DBF4: variants seen among roughly 807,000 people sequenced by gnomAD.
DBF4 encodes DBF4-CDC7 kinase regulatory subunit.
DBF4 carries 25 observed loss-of-function variants against 76.6 expected under a neutral mutation model. The ratio of observed to expected loss-of-function variants is 0.33; its 90% CI spans 0.24 to 0.46. The LOEUF (loss-of-function observed/expected upper bound fraction) is 0.46, where lower values mean the gene tolerates loss of function less well. Among genes scored for constraint, DBF4 ranks in the 20% least tolerant of loss-of-function variants. The pLI is 1.00. For missense variants in DBF4, 638 were observed against 760.8 expected, an observed-to-expected ratio of 0.84 and a Z score of 1.90; for synonymous variants, 213 against 258.0, an observed-to-expected ratio of 0.83 and a Z score of 1.67.
At position 87,885,015 on chromosome 7, in the gene DBF4, C is replaced by A. The variant is rs1305410814; in HGVS notation, c.256C>A (p.Leu86Ile). 3 of 1,612,876 alleles carry A rather than the reference C, an allele frequency of 1.9e-6. No individual in the cohort carries two copies. Among genetic ancestry groups the A allele is most frequent in the Non-Finnish European group, 2.5e-6 (3 of 1,178,990 alleles). ...ATTTCTCAGCAAAGATATCAGTTAT[C>A]TTATTTCAAATAAGAAGGAAGCTAA... ...EEFLSKDISY[L>I]ISNKKEAKFA... The change falls in exon 3 of 12, where the codon CTT (leucine) becomes ATT (isoleucine). Residue 86 changes from leucine to isoleucine, a missense_variant. By Grantham distance (5) the Leu-to-Ile change is conservative (BLOSUM62 2). Transcript: ENST00000265728.
intron 10 of DBF4, among the ~76,000 whole-genome samples, chr7:87,903,999 GTCT>G (rs1839856430): frequency 6.7e-6 from 1 of 149,092 alleles, no homozygotes; most frequent in Non-Finnish European, 1.5e-5. Flanking sequence ...CCTGATCTGT[GTCT>G]TCGTTTTCTG....
chr7:87,909,205 C>T lies in DBF4; in HGVS notation c.*1042C>T, dbSNP rs906832375. The T allele has an allele frequency of 1.3e-5, 2 of 152,140 alleles. No homozygotes were observed. Among genetic ancestry groups the T allele is most frequent in the African/African-American group, 2.4e-5 (1 of 41,422 alleles). The allele number at this position is 152,140 out of a possible 1,614,324, so 9.4% of individuals were successfully genotyped here. ...TTGATCTGGCACTTACTGATACAAG[C>T]ATTTGGAGAAGAGAAAATTCAAATA... On this transcript the variant is annotated 3_prime_UTR_variant, in exon 12 of 12. Coordinates refer to ENST00000265728, the MANE Select transcript of DBF4 (RefSeq NM_006716.4).
At chr7:87,898,461 T>C (rs951522839) in intron 8 of DBF4, among the ~76,000 whole-genome samples, 2 of 152,082 alleles carry the variant, frequency 1.3e-5, no homozygotes, top group Admixed American at 6.6e-5. Flanking sequence ...TCATACGGAA[T>C]TGTAACAGAT....
intron 3 of DBF4, among the ~76,000 whole-genome samples, chr7:87,886,433 G>C (rs1053122757): frequency 3.3e-5 from 5 of 151,140 alleles, no homozygotes; most frequent in Admixed American, 3.3e-4. Context: ...TACTTGGGAG[G>C]CTGGGGCAGG....
At chr7:87,896,296 A>G in intron 6 of DBF4, 178 bp from the exon 7 acceptor site, 1 of 536,454 alleles carries the variant, frequency 1.9e-6, no homozygotes, top group East Asian at 3.3e-5. Flanking sequence ...AATGCAAGGT[A>G]CTTGCTGAGT....
Position 87,886,841 on chromosome 7 carries a change from T to A in DBF4, c.400-3T>A. On this transcript the variant is annotated splice_polypyrimidine_tract_variant and splice_region_variant and intron_variant, in intron 3 of 11. Transcript: ENST00000265728. ...GTTTTAAATTTTTCTGGTCTTTTTA[T>A]AGGTGTGTTTAAGCAGAGGAAAATT... 6.5e-7 allele frequency: 1 copy of A among 1,548,452 alleles called. No homozygotes were observed. The highest frequency in any genetic ancestry group is 8.9e-7 in the Non-Finnish European group (1 of 1,127,540).
intron 6 of DBF4, among the ~76,000 whole-genome samples, chr7:87,889,228 G>T (rs142561632): frequency 6.6e-4 from 100 of 151,786 alleles, no homozygotes; most frequent in African/African-American, 2.4e-3. Flanking sequence ...TGACAGTAAA[G>T]AATGAATTAT....
At chr7:87,879,243 C>G (rs1186319502) in intron 2 of DBF4, among the ~76,000 whole-genome samples, 1 of 152,178 alleles carries the variant, frequency 6.6e-6, no homozygotes, top group East Asian at 1.9e-4. Flanking sequence ...GCCCTCCAGG[C>G]CCAGCCGATT....
intron 6 of DBF4, chr7:87,888,460 A>G: frequency 2.9e-6 from 1 of 344,296 alleles, no homozygotes; most frequent in Non-Finnish European, 4.1e-6. Context: ...TAGCATAGCT[A>G]ACTGGCCTGA....
intron 6 of DBF4, among the ~76,000 whole-genome samples, chr7:87,890,478 G>A (rs1327650862): frequency 6.6e-6 from 1 of 152,184 alleles, no homozygotes; most frequent in South Asian, 2.1e-4. Flanking sequence ...GTAGCAGTGA[G>A]CCGGGATCAC....
intron 6 of DBF4, among the ~76,000 whole-genome samples, chr7:87,896,019 T>A (rs1314832905): frequency 2.0e-5 from 3 of 152,230 alleles, no homozygotes; most frequent in African/African-American, 7.2e-5. Context: ...CTGCTTATTT[T>A]ACTTTTCATT....
intron 11 of DBF4, among the ~76,000 whole-genome samples, chr7:87,905,977 C>T (rs894655813): frequency 1.9e-4 from 28 of 150,836 alleles, no homozygotes; most frequent in African/African-American, 6.6e-4. Flanking sequence ...GCCTAGCCAA[C>T]GTGGTGAAAG....
At chr7:87,895,281 G>A (rs1035616362) in intron 6 of DBF4, among the ~76,000 whole-genome samples, 1 of 152,094 alleles carries the variant, frequency 6.6e-6, no homozygotes, top group East Asian at 1.9e-4. Context: ...TCTTAAGTGT[G>A]TTTACCTTTA....
rs565958332 is a variant in DBF4, at chr7:87,897,300, G to T, written c.641G>T (p.Arg214Ile). The T allele has an allele frequency of 1.2e-6, 2 of 1,610,914 alleles. No homozygotes were observed. Among genetic ancestry groups the T allele is most frequent in the South Asian group, 1.1e-5 (1 of 90,812 alleles). Residue 214 changes from arginine to isoleucine, a missense_variant, in exon 8 of 12, where the codon AGA (arginine) becomes ATA (isoleucine). Arg to Ile is a moderately conservative substitution (Grantham distance 97). Transcript: ENST00000265728. ...TGTTTTCTATGTTCTCAAGCAGGAAGACTCAAAAAGCCTTTTGTAAAGGTG... is the reference window on the plus strand; with the variant it reads ...TGTTTTCTATGTTCTCAAGCAGGAATACTCAAAAAGCCTTTTGTAAAGGTG... ...GSGAQKTRTG[R>I]LKKPFVKVED...
At chr7:87,891,404 A>G (rs28742881) in intron 6 of DBF4, among the ~76,000 whole-genome samples, 2 of 152,096 alleles carry the variant, frequency 1.3e-5, no homozygotes, top group Admixed American at 6.5e-5. Flanking sequence ...TAGCAAGGCT[A>G]TCTAGCCCTG....
In DBF4 at chr7:87,896,463, T is replaced by A; in HGVS notation, c.598-11T>A. ...TCAAAGCCAATCTTTTCACTATATA[T>A]TTTTTTTTAGGGCAAAAGAGTTGGT... is the stretch of plus-strand genomic sequence containing the variant. On this transcript the variant is annotated splice_polypyrimidine_tract_variant and intron_variant, in intron 6 of 11. Coordinates refer to ENST00000265728, the MANE Select transcript of DBF4 (RefSeq NM_006716.4). 1 of 1,428,974 alleles carries A rather than the reference T, an allele frequency of 7.0e-7. No homozygotes were observed. The highest frequency in any genetic ancestry group is 1.2e-5 in the South Asian group (1 of 80,444). The allele number at this position is 1,428,974 out of a possible 1,614,324, so 88.5% of individuals were successfully genotyped here. A position where few individuals can be genotyped will look rare whatever the true frequency, so the allele number is the denominator to read the frequency against.
intron 6 of DBF4, 164 bp from the exon 7 acceptor site, chr7:87,896,310 T>C: frequency 1.7e-6 from 1 of 602,658 alleles, no homozygotes; most frequent in South Asian, 2.0e-5. Context: ...GCTGAGTGTA[T>C]TGTAAAACAT....
intron 1 of DBF4, among the ~76,000 whole-genome samples, chr7:87,877,231 A>G (rs1839085543): frequency 6.6e-6 from 1 of 152,248 alleles, no homozygotes; most frequent in South Asian, 2.1e-4. Context: ...TACCCTTGAA[A>G]GTTTATTTTC....
At chr7:87,900,465 C>A in intron 9 of DBF4, 116 bp downstream of exon 9, 3 of 1,207,720 alleles carry the variant, frequency 2.5e-6, no homozygotes, top group Non-Finnish European at 3.4e-6. Flanking sequence ...TTTGTAATTA[C>A]TATTCTGATT....
Sources: gnomAD v4.1 joint callset for allele counts (sites outside exome capture counted in the v4.1 genomes callset) on GRCh38, gnomAD v4.1.1 for gene constraint, MANE v1.5 for transcripts, NCBI Gene and HGNC (gene_info 2026-07-23, HGNC 2026-07-21) for gene names.